Variants in FANCC observed in about 807,000 individuals in gnomAD.
FANCC encodes the protein Fanconi anemia group C protein.
A neutral mutation model predicts 71.3 loss-of-function variants in FANCC; 55 were observed. That is an observed-to-expected ratio of 0.77 (90% confidence interval 0.62 to 0.97). The LOEUF (loss-of-function observed/expected upper bound fraction) is 0.97, where lower values mean the gene tolerates loss of function less well. Ranked by LOEUF, FANCC falls within the 50% of genes least tolerant of loss-of-function variation. The pLI, the probability that FANCC is intolerant of heterozygous loss-of-function variation, is 0.00. For missense variants in FANCC, 678 were observed against 670.9 expected, an observed-to-expected ratio of 1.01 and a Z score of -0.12; for synonymous variants, 275 against 244.9, an observed-to-expected ratio of 1.12 and a Z score of -1.15.
At chr9:95,316,850 G>T (rs972601484) in intron 1 of FANCC, 1 of 152,318 alleles carries the variant, frequency 6.6e-6, no homozygotes, top group Non-Finnish European at 1.5e-5. Context: ...TCTCTCACGG[G>T]CTTTGAAGAT....
chr9:95,300,643 C>T (rs79161541), intron 1 of FANCC, among the ~76,000 whole-genome samples: 32 of 152,076 alleles, frequency 2.1e-4, no homozygotes, highest in African/African-American at 7.5e-4. Context: ...TTAGTAGAGA[C>T]GGAGTTTCTC....
At chr9:95,232,127 G>C (rs1176625868) in intron 4 of FANCC, among the ~76,000 whole-genome samples, 3 of 152,208 alleles carry the variant, frequency 2.0e-5, no homozygotes, top group Non-Finnish European at 2.9e-5. Context: ...GAGCAGGCAT[G>C]TCACGCAGCC....
intron 11 of FANCC, 49 bp downstream of exon 11, chr9:95,117,266 C>T (rs201353296): frequency 6.5e-7 from 1 of 1,538,414 alleles, no homozygotes; most frequent in Non-Finnish European, 9.0e-7. Context: ...TTTGACAATG[C>T]TCTTCCCAGG....
intron 1 of FANCC, among the ~76,000 whole-genome samples, chr9:95,313,432 C>T (rs1217414933): frequency 1.3e-5 from 2 of 152,248 alleles, no homozygotes; most frequent in Non-Finnish European, 2.9e-5. Flanking sequence ...CGACAACCTT[C>T]ACCGGAGAAG....
chr9:95,102,836 C>T (rs953644395), intron 14 of FANCC, among the ~76,000 whole-genome samples: 4 of 152,224 alleles, frequency 2.6e-5, no homozygotes, highest in Admixed American at 1.3e-4. Context: ...TAAGAGTAAA[C>T]GACGTGGTGT....
intron 1 of FANCC, chr9:95,292,851 T>C: frequency 8.2e-6 from 13 of 1,586,158 alleles, no homozygotes; most frequent in Non-Finnish European, 1.1e-5. Flanking sequence ...GTGCAGCAAT[T>C]CGTACGGTAC....
At chr9:95,111,764 A>G in intron 12 of FANCC, 127 bp from the exon 13 acceptor site, 1 of 1,043,074 alleles carries the variant, frequency 9.6e-7, no homozygotes, top group Non-Finnish European at 1.5e-6. Context: ...TGCAACCTGC[A>G]AGGAATACAA....
chr9:95,108,909 CTTTT>C (rs59777183), intron 13 of FANCC, among the ~76,000 whole-genome samples: 1 of 144,322 alleles, frequency 6.9e-6, no homozygotes, highest in Non-Finnish European at 1.5e-5. Context: ...TCTTCAAGAC[CTTTT>C]TTTTTTTTTG....
At chr9:95,209,687 C>T (rs1000954112) in intron 4 of FANCC, among the ~76,000 whole-genome samples, 3 of 152,094 alleles carry the variant, frequency 2.0e-5, no homozygotes, top group Admixed American at 6.5e-5. Context: ...CTTTCTCATC[C>T]GGCCCCCTTT....
At chr9:95,276,011 T>C (rs1205319689) in intron 1 of FANCC, among the ~76,000 whole-genome samples, 1 of 152,126 alleles carries the variant, frequency 6.6e-6, no homozygotes, top group African/African-American at 2.4e-5. Flanking sequence ...CAGTTCCCCC[T>C]GAATTACAAT....
intron 7 of FANCC, chr9:95,145,151 G>C (rs1829358332): frequency 6.6e-6 from 1 of 152,198 alleles, no homozygotes; most frequent in Admixed American, 6.5e-5. Flanking sequence ...AAGAGTTATA[G>C]ATTTAAAAAA....
chr9:95,251,632 A>G (rs558178965), intron 1 of FANCC, among the ~76,000 whole-genome samples: 1 of 152,244 alleles, frequency 6.6e-6, no homozygotes, highest in Non-Finnish European at 1.5e-5. Context: ...TTAATTTTTA[A>G]AAGGTAATTC....
At chr9:95,246,389 AC>A (rs1415695350) in intron 3 of FANCC, among the ~76,000 whole-genome samples, 1 of 152,344 alleles carries the variant, frequency 6.6e-6, no homozygotes, top group Non-Finnish European at 1.5e-5. Flanking sequence ...GATTATGACA[AC>A]CTATAAATGG....
chr9:95,172,676 T>C (rs1053556228), intron 4 of FANCC, among the ~76,000 whole-genome samples: 2 of 152,114 alleles, frequency 1.3e-5, no homozygotes, highest in Non-Finnish European at 2.9e-5. Flanking sequence ...TAATAAATGG[T>C]GCCTCAAAAA....
At chr9:95,264,602 AG>A (rs1341538241) in intron 1 of FANCC, among the ~76,000 whole-genome samples, 1 of 152,212 alleles carries the variant, frequency 6.6e-6, no homozygotes, top group Non-Finnish European at 1.5e-5. Flanking sequence ...GACCTGATAA[AG>A]TGCACTTTTT....
At chr9:95,248,187 T>C (rs1831112912) in intron 2 of FANCC, among the ~76,000 whole-genome samples, 1 of 152,240 alleles carries the variant, frequency 6.6e-6, no homozygotes, top group Non-Finnish European at 1.5e-5. Context: ...CTTTTTCCAC[T>C]TGTTACCTTT....
Position 95,304,683 on chromosome 9 carries a change from G to A in FANCC, c.-79+12843C>T, listed in dbSNP as rs370995019. Among the ~76,000 whole-genome samples, 81 of 149,154 alleles carry A rather than the reference G, an allele frequency of 5.4e-4. 1 individual carries two copies. The South Asian group carries it at 0.017, about 31-fold the overall frequency. ...AAGAATCCCTTGAACCTGGGAGGCGGAGGTTGCAGTGAGCCAAGATCGTGC... is the reference window on the plus strand; with the variant it reads ...AAGAATCCCTTGAACCTGGGAGGCGAAGGTTGCAGTGAGCCAAGATCGTGC... On this transcript the variant is annotated intron_variant, in intron 1 of 14. Transcript: ENST00000289081.
chr9:95,294,704 T>C, intron 1 of FANCC: 2 of 1,599,542 alleles, frequency 1.3e-6, no homozygotes, highest in Non-Finnish European at 1.7e-6. Context: ...CAAACAACAA[T>C]GGACGACTTT....
chr9:95,175,183 G>A lies in FANCC; in HGVS notation c.346-3036C>T, dbSNP rs1387563068. On this transcript the variant is annotated intron_variant, in intron 4 of 14. Transcript: ENST00000289081. ...AATCCAGGCAACACTCCTAAGTCAT[G>A]TAAGTGGAAACCTGCCATTTCTACA... Among the ~76,000 whole-genome samples, 3 of 152,170 alleles carry A rather than the reference G, an allele frequency of 2.0e-5. No homozygotes were observed. The East Asian group carries it at 5.8e-4, about 29-fold the overall frequency.
Sources: gnomAD v4.1 joint callset for allele counts (sites outside exome capture counted in the v4.1 genomes callset) on GRCh38, gnomAD v4.1.1 for gene constraint, MANE v1.5 for transcripts, NCBI Gene and HGNC (gene_info 2026-07-23, HGNC 2026-07-21) for gene names.